The following NKAIN4 variants were observed in gnomAD, a reference collection of about 807,000 sequenced individuals.
NKAIN4 encodes sodium/potassium transporting ATPase interacting 4.
In NKAIN4, 28 loss-of-function variants were observed where a neutral mutation model predicts 28.8. The ratio of observed to expected loss-of-function variants is 0.97; its 90% CI spans 0.72 to 1.33. NKAIN4 has a LOEUF of 1.33. Ranked by LOEUF, NKAIN4 falls within the 40% of genes most tolerant of loss-of-function variation. NKAIN4 has a pLI of 0.00. For missense variants in NKAIN4, 289 were observed against 277.2 expected (o/e 1.04, Z -0.30); for synonymous variants, 122 against 115.6 (o/e 1.06, Z -0.36).
Position 63,254,423 on chromosome 20 carries a change from G to GCGCGC in NKAIN4, c.23_27dup (p.Leu10AlafsTer83), listed in dbSNP as rs1454962147. On this transcript the variant is annotated frameshift_variant, in exon 1 of 7. Transcript: ENST00000370316. LOFTEE classifies it high-confidence loss of function. ...AGCTGAAAAGCGCAGAGGACGACGA[G>GCGCGC]CGCGCAGCGGCCGGAGCAGGAGCCC... 7.6e-6 allele frequency: 11 copies of GCGCGC among 1,441,234 alleles called. No homozygotes were observed. The highest frequency in any genetic ancestry group is 1.0e-5 in the Non-Finnish European group (11 of 1,097,664). The allele number at this position is 1,441,234 out of a possible 1,614,324, so 89.3% of individuals were successfully genotyped here.
chr20:63,241,622 C>T, intron 6 of NKAIN4, 116 bp from the exon 7 acceptor site: 2 of 908,676 alleles, frequency 2.2e-6, no homozygotes, highest in South Asian at 1.4e-5. Context: ...CAGTGGACGG[C>T]TTCAGGCCTT....
At chr20:63,244,000 T>C in intron 5 of NKAIN4, 24 bp downstream of exon 5, 1 of 1,604,606 alleles carries the variant, frequency 6.2e-7, no homozygotes, top group Non-Finnish European at 8.5e-7. Context: ...CCCGCCCCAC[T>C]GCCTGCAGAG....
intron 4 of NKAIN4, chr20:63,246,741 GC>G: frequency 1.0e-6 from 1 of 985,442 alleles, no homozygotes; most frequent in East Asian, 1.1e-4. Flanking sequence ...CATTGGCCCT[GC>G]CCCCGGAGCT....
At chr20:63,250,179 A>G (rs1473681225) in intron 1 of NKAIN4, 107 bp from the exon 2 acceptor site, 13 of 1,274,236 alleles carry the variant, frequency 1.0e-5, no homozygotes, top group African/African-American at 1.5e-5. Context: ...CTTCCTCCCC[A>G]CACCCGCCCA....
At chr20:63,244,751 A>G (rs1232454178) in intron 4 of NKAIN4, among the ~76,000 whole-genome samples, 1 of 152,172 alleles carries the variant, frequency 6.6e-6, no homozygotes, top group African/African-American at 2.4e-5. Context: ...CCACTGAGGG[A>G]AAAAGGGCTC....
At chr20:63,242,387 G>T in intron 6 of NKAIN4, 152 bp downstream of exon 6, 1 of 704,932 alleles carries the variant, frequency 1.4e-6, no homozygotes, top group Non-Finnish European at 2.5e-6. Flanking sequence ...GCATGAAGCA[G>T]ATGTTAGAAA....
At chr20:63,243,096 C>T (rs894660563) in intron 5 of NKAIN4, among the ~76,000 whole-genome samples, 9 of 152,184 alleles carry the variant, frequency 5.9e-5, no homozygotes, top group East Asian at 5.8e-4. Context: ...CAGGGGCTTG[C>T]GGGGCAAAGT....
intron 1 of NKAIN4, among the ~76,000 whole-genome samples, chr20:63,251,140 G>A (rs1453845145): frequency 1.3e-5 from 2 of 151,450 alleles, no homozygotes; most frequent in African/African-American, 2.4e-5. Flanking sequence ...GCCCTTGCCT[G>A]CCTGGCAGCC....
In NKAIN4 at chr20:63,241,240, CTTTTCTTTTGTATG is replaced by C; in HGVS notation, c.*243_*256del. On this transcript the variant is annotated 3_prime_UTR_variant, in exon 7 of 7. Transcript: ENST00000370316. Reference sequence around the variant, plus strand: ...AGGAGGTGGGCATGTGGGGTTTTGCCTTTTCTTTTGTATGTTTTCTTTTCTTTTTTTTTTTTAAG... The same window carrying C: ...AGGAGGTGGGCATGTGGGGTTTTGCCTTTTCTTTTCTTTTTTTTTTTTAAG... The C allele has an allele frequency of 2.0e-6, 1 of 503,436 alleles. No individual in the cohort carries two copies. Among genetic ancestry groups the C allele is most frequent in the South Asian group, 2.3e-5 (1 of 42,908 alleles). 31.2% of individuals were successfully genotyped at this position (503,436 alleles called of 1,614,324 possible). A position where few individuals can be genotyped will look rare whatever the true frequency, so the allele number is the denominator to read the frequency against.
At chr20:63,243,953 C>T (rs1047995290) in intron 5 of NKAIN4, 71 bp downstream of exon 5, 11 of 1,335,120 alleles carry the variant, frequency 8.2e-6, no homozygotes, top group African/African-American at 5.8e-5. Flanking sequence ...TTGCCCCAGA[C>T]GGGACAGACT....
At chr20:63,253,835 G>GGGGGGCGGC (rs563077872) in intron 1 of NKAIN4, 81,185 of 151,768 alleles carry the variant, frequency 0.53, 22,350 homozygotes, top group African/African-American at 0.66. Context: ...CGGGCGGAAT[G>GGGGGGCGGC]GGGGGCGGCG....
chr20:63,253,337 C>T lies in NKAIN4; in HGVS notation c.54+1060G>A, dbSNP rs143376998. The T allele has an allele frequency of 1.5e-3, 1,527 of 985,396 alleles. 5 individuals are homozygous for T. Among genetic ancestry groups the T allele is most frequent in the Admixed American group, 2.5e-3 (40 of 16,292 alleles). The allele number at this position is 985,396 out of a possible 1,614,324, so 61.0% of individuals were successfully genotyped here. On this transcript the variant is annotated intron_variant, in intron 1 of 6. Transcript: ENST00000370316. The stretch of plus-strand genomic sequence containing the variant: ...CCAGGAAAGCGCCGGAAGCTCCTTC[C>T]TTCCTGCAGGAAGGACACGATGCCT...
In NKAIN4 at chr20:63,250,573, C is replaced by T. The variant is rs539763518; in HGVS notation, c.55-501G>A. Among the ~76,000 whole-genome samples, 36 of 133,786 alleles carry T rather than the reference C, an allele frequency of 2.7e-4. No homozygotes were observed. In the South Asian group the frequency reaches 8.0e-3, roughly 30 times the overall value. The allele number at this position is 133,786 out of a possible 152,430, so 87.8% of individuals were successfully genotyped here. A position where few individuals can be genotyped will look rare whatever the true frequency, so the allele number is the denominator to read the frequency against. Reference sequence around the variant, plus strand: ...AGGCCCCAGCCTGCTGCCTGCATCTCGGCCTTGGGGACAGGGCTGGTGAGG... The same window carrying T: ...AGGCCCCAGCCTGCTGCCTGCATCTTGGCCTTGGGGACAGGGCTGGTGAGG... On this transcript the variant is annotated intron_variant, in intron 1 of 6. Transcript: ENST00000370316.
rs1256656097 is a variant in NKAIN4, at chr20:63,249,024, C to T, written c.193-129G>A. On this transcript the variant is annotated intron_variant, in intron 2 of 6. Transcript: ENST00000370316. ...CGGCCTCTGCTCCTGAGTCTGGCGG[C>T]CCCCAGATGCACAGCATGGAGAAAG... The T allele has an allele frequency of 2.1e-5, 14 of 672,820 alleles. No homozygotes were observed. In the East Asian group the frequency reaches 3.3e-4, roughly 16 times the overall value. 41.7% of individuals were successfully genotyped at this position (672,820 alleles called of 1,614,324 possible). A position where few individuals can be genotyped will look rare whatever the true frequency, so the allele number is the denominator to read the frequency against.
chr20:63,246,842 T>C (rs117249615), intron 4 of NKAIN4: 14,468 of 985,422 alleles, frequency 0.015, 124 homozygotes, highest in Non-Finnish European at 0.016. Flanking sequence ...ACTGACACCA[T>C]CTGCATTTTA....
chr20:63,241,589 C>T, intron 6 of NKAIN4, 83 bp from the exon 7 acceptor site: 2 of 1,272,824 alleles, frequency 1.6e-6, no homozygotes, highest in Non-Finnish European at 2.2e-6. Context: ...CCTTGGAGAA[C>T]CTGAAATGGA....
rs879769227 is a variant in NKAIN4, at chr20:63,245,280, C to T, written c.472-1196G>A. On this transcript the variant is annotated intron_variant, in intron 4 of 6. Transcript: ENST00000370316. This position sits in a 1 kb window ranked among gnomAD's most constrained non-coding sequence, Gnocchi z 4.7. ...AATGGCCATTTCTGGTTCCATGCCACGGCCAGGGTGGGAGCAGCGGTGAGG... is the reference window on the plus strand; with the variant it reads ...AATGGCCATTTCTGGTTCCATGCCATGGCCAGGGTGGGAGCAGCGGTGAGG... Among the ~76,000 whole-genome samples the T allele has an allele frequency of 1.8e-4, 27 of 152,292 alleles. No individual in the cohort carries two copies. The highest frequency in any genetic ancestry group is 3.4e-3 in the Middle Eastern group (1 of 294).
chr20:63,247,284 C>T lies in NKAIN4; in HGVS notation c.471+294G>A, dbSNP rs1435316688. ...CGTCAAAGCCAGAGGCGGGGTGTCT[C>T]GGCCTGATCCGATTCCTTCCCACTC... On this transcript the variant is annotated intron_variant, in intron 4 of 6. Transcript: ENST00000370316. 138 of 1,338,962 alleles carry T rather than the reference C, an allele frequency of 1.0e-4. 2 individuals are homozygous for T. The highest frequency in any genetic ancestry group is 1.2e-4 in the Non-Finnish European group (128 of 1,036,070). 82.9% of individuals were successfully genotyped at this position (1,338,962 alleles called of 1,614,324 possible).
chr20:63,254,444 A>G lies in NKAIN4; in HGVS notation c.7T>C (p.Ser3Pro), dbSNP rs1049253974. The G allele has an allele frequency of 3.6e-6, 5 of 1,402,492 alleles. No homozygotes were observed. In the African/African-American group the frequency reaches 6.0e-5, roughly 17 times the overall value. The allele number at this position is 1,402,492 out of a possible 1,614,324, so 86.9% of individuals were successfully genotyped here. The change falls in exon 1 of 7, where the codon TCC (serine) becomes CCC (proline). Residue 3 changes from serine (S) to proline (P), a missense_variant. Ser to Pro is a moderately conservative substitution (Grantham distance 74). Transcript: ENST00000370316. ...ACGAGCGCGCAGCGGCCGGAGCAGG[A>G]GCCCATGGTGCCCGCCTATACAGGA... MGSCSGRCALVVL... is the reference protein window; with the variant it reads MGPCSGRCALVVL...
Sources: allele counts gnomAD v4.1 joint callset (sites outside exome capture counted in the v4.1 genomes callset), GRCh38; gene constraint gnomAD v4.1.1; non-coding constraint Gnocchi (gnomAD v3.1); transcripts MANE v1.5; gene names NCBI Gene and HGNC (gene_info 2026-07-23, HGNC 2026-07-21).